Variants in SFXN1 observed in about 807,000 individuals in gnomAD.
The protein encoded by SFXN1 is sideroflexin 1, also known as sideroflexin-1.
In SFXN1, 32 loss-of-function variants were observed where a neutral mutation model predicts 39.5. That is an observed-to-expected ratio of 0.81 (90% CI 0.61 to 1.09). The LOEUF is 1.09. SFXN1 is among the 50% of genes least tolerant of loss of function. The pLI, the probability that SFXN1 is intolerant of heterozygous loss-of-function variation, is 0.00. For missense variants in SFXN1, 402 were observed against 407.1 expected (o/e 0.99, Z 0.11); for synonymous variants, 136 against 146.5 (o/e 0.93, Z 0.52).
chr5:175,517,105 G>T (rs979128183), intron 8 of SFXN1, among the ~76,000 whole-genome samples: 1 of 152,176 alleles, frequency 6.6e-6, no homozygotes, highest in African/African-American at 2.4e-5. Context: ...TGGGCATGTT[G>T]CATAAGTTTC....
intron 7 of SFXN1, among the ~76,000 whole-genome samples, chr5:175,515,630 C>G (rs956982834): frequency 6.6e-6 from 1 of 152,108 alleles, no homozygotes; most frequent in Non-Finnish European, 1.5e-5. Context: ...AAAGCTGAGG[C>G]TCAGAGAAGT....
chr5:175,522,161 G>A (rs905278554), intron 9 of SFXN1, among the ~76,000 whole-genome samples, 193 bp downstream of exon 9: 2 of 152,114 alleles, frequency 1.3e-5, no homozygotes, highest in Admixed American at 1.3e-4. Context: ...GGGGCTATTC[G>A]TGTGATTCTT....
intron 2 of SFXN1, among the ~76,000 whole-genome samples, chr5:175,508,765 G>C (rs776219456): frequency 1.3e-5 from 2 of 152,026 alleles, no homozygotes; most frequent in Non-Finnish European, 2.9e-5. Context: ...AGCCTCCTGA[G>C]TAGCTGGGAT....
chr5:175,517,789 C>T (rs575338248), intron 8 of SFXN1, among the ~76,000 whole-genome samples: 12 of 152,214 alleles, frequency 7.9e-5, no homozygotes, highest in African/African-American at 2.6e-4. Context: ...ATGCCTCTTC[C>T]GCAAAGGCTG....
intron 2 of SFXN1, among the ~76,000 whole-genome samples, chr5:175,506,032 G>A (rs926451996): frequency 6.6e-6 from 1 of 152,120 alleles, no homozygotes; most frequent in Admixed American, 6.6e-5. Context: ...TGGCCAGGCT[G>A]GTGTCAAACT....
intron 1 of SFXN1, chr5:175,491,878 G>A: frequency 2.3e-6 from 1 of 442,572 alleles, no homozygotes; most frequent in South Asian, 4.7e-5. Context: ...AGAGAAATAT[G>A]TAGGAAACTA....
intron 1 of SFXN1, chr5:175,491,518 A>G (rs1759654491): frequency 6.6e-6 from 1 of 151,312 alleles, no homozygotes; most frequent in African/African-American, 2.4e-5. Flanking sequence ...TTTGTCACCC[A>G]GGCTGGAGTG....
intron 8 of SFXN1, among the ~76,000 whole-genome samples, chr5:175,521,469 G>A (rs1055773245): frequency 2.6e-5 from 4 of 152,188 alleles, no homozygotes; most frequent in African/African-American, 9.7e-5. Flanking sequence ...AGCTGTTAGT[G>A]ATGTTCATTT....
chr5:175,483,007 G>A (rs547025424), intron 1 of SFXN1, among the ~76,000 whole-genome samples: 38 of 152,268 alleles, frequency 2.5e-4, no homozygotes, highest in Non-Finnish European at 3.5e-4. Context: ...TATGGAAGGC[G>A]TAAGTTAATT....
intron 2 of SFXN1, among the ~76,000 whole-genome samples, chr5:175,492,904 A>G (rs953564163): frequency 6.6e-6 from 1 of 152,152 alleles, no homozygotes; most frequent in Non-Finnish European, 1.5e-5. Context: ...TCTCTGTCAC[A>G]TATTATTCTT....
Position 175,485,774 on chromosome 5 carries a change from C to T in SFXN1, c.-9-6321C>T, listed in dbSNP as rs1275980650. Reference sequence around the variant, plus strand: ...GTGGGCGCTTCCAGTGCCAGGATTTCGGTGGGTTTAACTGGAGTGTGCAGA... The same window carrying T: ...GTGGGCGCTTCCAGTGCCAGGATTTTGGTGGGTTTAACTGGAGTGTGCAGA... On this transcript the variant is annotated intron_variant, in intron 1 of 10. Transcript: ENST00000321442. Among the ~76,000 whole-genome samples the T allele has an allele frequency of 3.3e-5, 5 of 152,174 alleles. No homozygotes were observed. The East Asian group carries it at 5.8e-4, about 18-fold the overall frequency.
chr5:175,501,166 T>G (rs1449340806), intron 2 of SFXN1, among the ~76,000 whole-genome samples: 2 of 150,438 alleles, frequency 1.3e-5, no homozygotes, highest in Non-Finnish European at 2.9e-5. Flanking sequence ...CCTCCCAGGT[T>G]CAAGCTATTC....
At chr5:175,502,864 TA>T (rs1372978571) in intron 2 of SFXN1, among the ~76,000 whole-genome samples, 5 of 151,410 alleles carry the variant, frequency 3.3e-5, no homozygotes, top group East Asian at 1.9e-4. Context: ...ATAATAATAA[TA>T]AATAAATAAA....
chr5:175,521,931 A>T lies in SFXN1; in HGVS notation c.787A>T (p.Met263Leu). ...KKAFLKRFPW[M>L]SAPIQVGLVG... ...TTTCTCAACACAGAGGTTCCCATGGATGAGTGCACCCATTCAAGTTGGGTT... is the reference window on the plus strand; with the variant it reads ...TTTCTCAACACAGAGGTTCCCATGGTTGAGTGCACCCATTCAAGTTGGGTT... The change falls in exon 9 of 11, where the codon ATG becomes TTG. Residue 263 changes from methionine to leucine, a missense_variant. Physicochemically the swap from Met to Leu is conservative, Grantham distance 15 (BLOSUM62 2). Transcript: ENST00000321442. 6.2e-7 allele frequency: 1 copy of T among 1,600,256 alleles called. No homozygotes were observed. The highest frequency in any genetic ancestry group is 8.5e-7 in the Non-Finnish European group (1 of 1,170,702).
At chr5:175,518,481 G>A (rs757800673) in intron 8 of SFXN1, among the ~76,000 whole-genome samples, 1 of 152,296 alleles carries the variant, frequency 6.6e-6, no homozygotes, top group African/African-American at 2.4e-5. Context: ...ATCTCAGGGA[G>A]CATGTAGCAT....
intron 5 of SFXN1, among the ~76,000 whole-genome samples, chr5:175,511,864 C>CTCTCT (rs33977399): frequency 0.22 from 28,677 of 130,054 alleles, 3,032 homozygotes; most frequent in South Asian, 0.38. Context: ...TCTCTCTCTC[C>CTCTCT]CCACTCCAAA....
rs571074243 is a variant in SFXN1, at chr5:175,524,797, GAA to G, written c.873-1839_873-1838del. ...GGTGAGATTAATCAAAACAAAAAGA[GAA>G]AGAGAAAAGTACAAATAATATGAAT... On this transcript the variant is annotated intron_variant, in intron 10 of 10. Transcript: ENST00000321442. 2.7e-3 allele frequency among the ~76,000 whole-genome samples: 406 copies of G among 152,038 alleles called. 1 individual carries two copies. Among genetic ancestry groups the G allele is most frequent in the African/African-American group, 9.5e-3 (394 of 41,460 alleles).
At chr5:175,510,867 TTA>T (rs1056594235) in intron 4 of SFXN1, among the ~76,000 whole-genome samples, 1 of 152,184 alleles carries the variant, frequency 6.6e-6, no homozygotes, top group Non-Finnish European at 1.5e-5. Context: ...TCTACTATTG[TTA>T]TATGGAACAA....
At position 175,506,360 on chromosome 5, in the gene SFXN1, CAAT is replaced by C. The variant is rs566925696; in HGVS notation, c.165-2671_165-2669del. Among the ~76,000 whole-genome samples, 171 of 152,124 alleles carry C rather than the reference CAAT, an allele frequency of 1.1e-3. 1 individual carries two copies. Among genetic ancestry groups the C allele is most frequent in the East Asian group, 5.8e-4 (3 of 5,184 alleles). On this transcript the variant is annotated intron_variant, in intron 2 of 10. Coordinates refer to ENST00000321442, the MANE Select transcript of SFXN1 (RefSeq NM_022754.7). Reference sequence around the variant, plus strand: ...ATACGCGTACAAATTACATAAATAACAATGATGCTGCTGTGGATGGTAATTTTT... The same window carrying C: ...ATACGCGTACAAATTACATAAATAACGATGCTGCTGTGGATGGTAATTTTT...
Sources: gnomAD v4.1 joint callset for allele counts (sites outside exome capture counted in the v4.1 genomes callset) on GRCh38, gnomAD v4.1.1 for gene constraint, MANE v1.5 for transcripts, NCBI Gene and HGNC (gene_info 2026-07-23, HGNC 2026-07-21) for gene names.